CD81: variants seen among roughly 807,000 people sequenced by gnomAD.
CD81 encodes CD81 molecule.
Under a neutral mutation model 30.1 loss-of-function variants are expected in CD81, and 10 were observed. That is an observed-to-expected ratio of 0.33 (90% confidence interval 0.21 to 0.56). The LOEUF (loss-of-function observed/expected upper bound fraction) is 0.56, where lower values mean the gene tolerates loss of function less well. Ranked by LOEUF, CD81 falls within the 20% of genes least tolerant of loss-of-function variation. The pLI is 0.89. For synonymous variants in CD81, 147 were observed against 126.4 expected, an observed-to-expected ratio of 1.16 and a Z score of -1.10; for missense variants, 263 against 308.7, an observed-to-expected ratio of 0.85 and a Z score of 1.11.
intron 1 of CD81, among the ~76,000 whole-genome samples, chr11:2,385,483 G>A (rs931632314): frequency 6.6e-6 from 1 of 151,982 alleles, no homozygotes; most frequent in Non-Finnish European, 1.5e-5. Flanking sequence ...ACCCAGAGGC[G>A]CACCCGTGCC....
rs1190477291 is a variant in CD81 at position 2,378,933 on chromosome 11, C to A, written c.66+1318C>A. ...GACGGAGGCTGAACTGAACTCTCAG[C>A]TGGGAGATGAGTGGGGCAGTCACAT... On this transcript the variant is annotated intron_variant, in intron 1 of 7. Transcript: ENST00000263645. This position sits in a 1 kb window ranked among gnomAD's most constrained non-coding sequence, Gnocchi z 4.9. Among the ~76,000 whole-genome samples, 3 of 152,218 alleles carry A rather than the reference C, an allele frequency of 2.0e-5. No individual in the cohort carries two copies. The highest frequency in any genetic ancestry group is 1.9e-4 in the East Asian group (1 of 5,194).
intron 1 of CD81, chr11:2,379,267 G>T: frequency 2.2e-6 from 1 of 449,104 alleles, no homozygotes; most frequent in Non-Finnish European, 4.5e-6. Context: ...TGGGGGCTGA[G>T]GGAGGGTGTG....
At position 2,395,671 on chromosome 11, in the gene CD81, G is replaced by C. The variant is rs1265400992; in HGVS notation, c.459+151G>C. 1.0e-5 allele frequency: 8 copies of C among 766,170 alleles called. No homozygotes were observed. The African/African-American group carries it at 1.2e-4, about 12-fold the overall frequency. The allele number at this position is 766,170 out of a possible 1,614,324, so 47.5% of individuals were successfully genotyped here. ...ACCCCTGGTCTCAACTGGTCCTCGG[G>C]TGGGAACCTAGTGGGCCAGGGTGGC... On this transcript the variant is annotated intron_variant, in intron 5 of 7. Transcript: ENST00000263645.
rs181633254 is a variant in CD81, at chr11:2,390,537, A to G, written c.181+11A>G. The G allele has an allele frequency of 3.2e-6, 5 of 1,583,746 alleles. No homozygotes were observed. The highest frequency in any genetic ancestry group is 1.7e-4 in the Middle Eastern group (1 of 6,040). On this transcript the variant is annotated intron_variant, in intron 2 of 7. Coordinates refer to ENST00000263645, the MANE Select transcript of CD81 (RefSeq NM_004356.4). ...ACACCTTCTATGTAGGTGAGTGCAC[A>G]TGTGGCCGCAGACGCATTCAGGGAG...
intron 1 of CD81, among the ~76,000 whole-genome samples, chr11:2,384,310 T>A (rs1849749725): frequency 1.5e-5 from 2 of 130,336 alleles, no homozygotes; most frequent in Admixed American, 8.3e-5. Flanking sequence ...GCGGGGCGCC[T>A]TGGGAGGCGG....
At position 2,377,633 on chromosome 11, in the gene CD81, G is replaced by C. The variant is rs758323650; in HGVS notation, c.66+18G>C. On this transcript the variant is annotated intron_variant, in intron 1 of 7. Transcript: ENST00000263645. The surrounding 1 kb of genome is among the most constrained non-coding windows in gnomAD (Gnocchi z 7.7). Reference sequence around the variant, plus strand: ...TCTTCTGGGTAAGGGCTGCGCCGGGGGCCGGGGCGGGAGGGGGCAGGCACA... The same window carrying C: ...TCTTCTGGGTAAGGGCTGCGCCGGGCGCCGGGGCGGGAGGGGGCAGGCACA... 4.0e-6 allele frequency: 6 copies of C among 1,514,908 alleles called. No individual in the cohort carries two copies. The highest frequency in any genetic ancestry group is 3.6e-6 in the Non-Finnish European group (4 of 1,117,998). The allele number at this position is 1,514,908 out of a possible 1,614,324, so 93.8% of individuals were successfully genotyped here.
chr11:2,396,098 A>G (rs1235695254), intron 6 of CD81, 128 bp downstream of exon 6: 2 of 455,434 alleles, frequency 4.4e-6, no homozygotes, highest in East Asian at 7.0e-5. Context: ...GGCCCCTGTC[A>G]GGGCTGCTCT....
At chr11:2,392,903 G>C (rs1849925091) in intron 2 of CD81, 1 of 152,294 alleles carries the variant, frequency 6.6e-6, no homozygotes, top group South Asian at 2.1e-4. Context: ...CTCCTGACCT[G>C]TACCCCGGAG....
chr11:2,395,552 G>A, intron 5 of CD81, 32 bp downstream of exon 5: 2 of 1,559,946 alleles, frequency 1.3e-6, no homozygotes, highest in Non-Finnish European at 1.8e-6. Flanking sequence ...GCGGGGAGCA[G>A]GGCCCCGGGA....
At chr11:2,395,107 C>A in intron 4 of CD81, 61 bp downstream of exon 4, 1 of 1,417,200 alleles carries the variant, frequency 7.1e-7, no homozygotes. Flanking sequence ...CCTCTCCTGT[C>A]GCGGGTGGGG....
rs1284801553 is a variant in CD81, at chr11:2,386,139, T to G, written c.67-4273T>G. On this transcript the variant is annotated intron_variant, in intron 1 of 7. Transcript: ENST00000263645. ...CATGTGGCTGCAGCTTGACCTGGGT[T>G]TCCTGGTCCCTGGCAAGGTGGAGCA... The G allele has an allele frequency of 4.2e-6, 3 of 717,432 alleles. No homozygotes were observed. The East Asian group carries it at 8.0e-5, about 19-fold the overall frequency. 44.4% of individuals were successfully genotyped at this position (717,432 alleles called of 1,614,324 possible). A position where few individuals can be genotyped will look rare whatever the true frequency, so the allele number is the denominator to read the frequency against.
intron 1 of CD81, chr11:2,390,018 A>G (rs1035208848): frequency 2.8e-5 from 10 of 357,430 alleles, no homozygotes; most frequent in Admixed American, 1.1e-4. Context: ...CAGGGCATCC[A>G]ATTCACCTTG....
chr11:2,390,623 TCGGGCATGGCGTGTC>T, intron 2 of CD81, 97 bp downstream of exon 2: 1 of 888,226 alleles, frequency 1.1e-6, no homozygotes, highest in South Asian at 1.4e-5. Flanking sequence ...TGAAAGACAG[TCGGGCATGGCGTGTC>T]CGGGCAGGGA....
In CD81 at chr11:2,395,178, G is replaced by C. The variant is rs1335956185; in HGVS notation, c.354+132G>C. On this transcript the variant is annotated intron_variant, in intron 4 of 7. Coordinates refer to ENST00000263645, the MANE Select transcript of CD81 (RefSeq NM_004356.4). ...GCTCTTCCTGGGTCCCACTTGCCAG[G>C]AGGATCTCCAGGGGCTTTATGGAGG... 3.5e-5 allele frequency: 29 copies of C among 818,490 alleles called. No individual in the cohort carries two copies. In the Admixed American group the frequency reaches 5.8e-4, roughly 16 times the overall value. The allele number at this position is 818,490 out of a possible 1,614,324, so 50.7% of individuals were successfully genotyped here. A position where few individuals can be genotyped will look rare whatever the true frequency, so the allele number is the denominator to read the frequency against.
Position 2,397,308 on chromosome 11 carries a change from T to C in CD81, c.*442T>C, listed in dbSNP as rs1850031782. 1 of 261,642 alleles carries C rather than the reference T, an allele frequency of 3.8e-6. No homozygotes were observed. Among genetic ancestry groups the C allele is most frequent in the African/African-American group, 2.2e-5 (1 of 44,502 alleles). 16.2% of individuals were successfully genotyped at this position (261,642 alleles called of 1,614,324 possible). On this transcript the variant is annotated 3_prime_UTR_variant, in exon 8 of 8. Coordinates refer to ENST00000263645, the MANE Select transcript of CD81 (RefSeq NM_004356.4). ...AGTCTGTGGGCACTCTCTGCCTTCA[T>C]GCACCTGTCCTTTCTAACACGTCGC...
At chr11:2,381,741 C>T (rs1013195291) in intron 1 of CD81, among the ~76,000 whole-genome samples, 3 of 152,228 alleles carry the variant, frequency 2.0e-5, no homozygotes, top group African/African-American at 7.2e-5. Context: ...GTGATCCAGG[C>T]TGGGCGTGCT....
At chr11:2,382,030 A>G (rs1249093246) in intron 1 of CD81, among the ~76,000 whole-genome samples, 4 of 152,208 alleles carry the variant, frequency 2.6e-5, no homozygotes, top group Non-Finnish European at 5.9e-5. Context: ...GTGCTGAATC[A>G]TGAGAGACCC....
intron 4 of CD81, 64 bp downstream of exon 4, chr11:2,395,110 G>C (rs1195110841): frequency 1.4e-6 from 2 of 1,398,014 alleles, no homozygotes; most frequent in Non-Finnish European, 2.0e-6. Flanking sequence ...CTCCTGTCGC[G>C]GGTGGGGGTT....
chr11:2,391,529 C>T (rs1351031925), intron 2 of CD81: 2 of 152,264 alleles, frequency 1.3e-5, no homozygotes, highest in African/African-American at 2.4e-5. Context: ...TTCCCCATGC[C>T]CCGCTCATGG....
Sources: allele counts gnomAD v4.1 joint callset (sites outside exome capture counted in the v4.1 genomes callset), GRCh38; gene constraint gnomAD v4.1.1; non-coding constraint Gnocchi (gnomAD v3.1); transcripts MANE v1.5; gene names NCBI Gene and HGNC (gene_info 2026-07-23, HGNC 2026-07-21).